The following SHROOM4 variants were observed in gnomAD, a reference collection of about 807,000 sequenced individuals.
The protein encoded by SHROOM4 is shroom family member 4.
In SHROOM4, 17 loss-of-function variants were observed where a neutral mutation model predicts 80.3. The observed-to-expected ratio is 0.21, with a 90% CI of 0.14 to 0.32. The LOEUF (loss-of-function observed/expected upper bound fraction) is 0.32. Among genes scored for constraint, SHROOM4 ranks in the 10% least tolerant of loss-of-function variants. SHROOM4 has a pLI of 1.00. For missense variants in SHROOM4, 993 were observed against 1,140.3 expected, an observed-to-expected ratio of 0.87 and a Z score of 1.86; for synonymous variants, 400 against 437.5, an observed-to-expected ratio of 0.91 and a Z score of 1.07.
At chrX:50,585,739 C>T (rs1258375900), downstream of SHROOM4, among the ~76,000 whole-genome samples, 3 of 111,614 alleles carry the variant, frequency 2.7e-5, no homozygotes, top group African/African-American at 9.8e-5. Flanking sequence ...GGCAGAACTG[C>T]GTCCAGGTCT....
At chrX:50,787,417 C>T (rs1935765885) in intron 1 of SHROOM4, among the ~76,000 whole-genome samples, 1 of 110,621 alleles carries the variant, frequency 9.0e-6, no homozygotes, top group Non-Finnish European at 1.9e-5. Context: ...ACTTAAAGGC[C>T]ATGATCAAGT....
At chrX:50,785,276 C>G (rs1196334320) in intron 1 of SHROOM4, among the ~76,000 whole-genome samples, 1 of 111,316 alleles carries the variant, frequency 9.0e-6, no homozygotes, top group Non-Finnish European at 1.9e-5. Context: ...CCATGATGAG[C>G]CATTCTATTC....
intron 1 of SHROOM4, among the ~76,000 whole-genome samples, chrX:50,771,982 T>C (rs1935403650): frequency 9.9e-6 from 1 of 101,065 alleles, no homozygotes; most frequent in African/African-American, 3.5e-5. Flanking sequence ...CTAGAAAACA[T>C]TACATATAAT....
chrX:50,743,716 C>A (rs1232450267), intron 1 of SHROOM4, among the ~76,000 whole-genome samples: 2 of 111,714 alleles, frequency 1.8e-5, no homozygotes, highest in African/African-American at 6.5e-5. Flanking sequence ...CTTGGCCTCC[C>A]AAAGTGCTGG....
intron 5 of SHROOM4, among the ~76,000 whole-genome samples, chrX:50,618,421 TTTCTTA>T (rs1930415476): frequency 1.2e-5 from 1 of 82,440 alleles, no homozygotes; most frequent in African/African-American, 4.2e-5. Context: ...CCTTCCTTCC[TTTCTTA>T]TTTTTGAGAC....
chrX:50,687,683 TG>T (rs1228107676), intron 2 of SHROOM4, among the ~76,000 whole-genome samples: 2 of 111,391 alleles, frequency 1.8e-5, no homozygotes, highest in Non-Finnish European at 3.8e-5. Context: ...ATAATCTTAA[TG>T]CTGGTCCAGG....
rs1344205815 is a variant in SHROOM4 at position 50,589,339 on chromosome X, AT to A, written c.*7355del. Reference sequence around the variant, plus strand: ...CATTTAGCACACCCATTTAAAATGTATACTTCAATGGTTTCCAGTACATTCA... The same window carrying A: ...CATTTAGCACACCCATTTAAAATGTAACTTCAATGGTTTCCAGTACATTCA... On this transcript the variant is annotated 3_prime_UTR_variant, in exon 9 of 9. Transcript: ENST00000376020. 8.1e-5 allele frequency among the ~76,000 whole-genome samples: 9 copies of A among 111,790 alleles called. No individual in the cohort carries two copies. The highest frequency in any genetic ancestry group is 2.3e-4 in the African/African-American group (7 of 30,762).
intron 2 of SHROOM4, among the ~76,000 whole-genome samples, chrX:50,678,559 C>T (rs1192378503): frequency 2.7e-5 from 3 of 111,305 alleles, no homozygotes; most frequent in Admixed American, 9.6e-5. Flanking sequence ...TGTCCAGAGA[C>T]CACAAATTGC....
chrX:50,752,256 C>T (rs1934938841), intron 1 of SHROOM4, among the ~76,000 whole-genome samples: 1 of 112,091 alleles, frequency 8.9e-6, no homozygotes, highest in African/African-American at 3.2e-5. Flanking sequence ...CCTATTCTGA[C>T]AGAGAAGACA....
chrX:50,774,253 C>A (rs781783214), intron 1 of SHROOM4, among the ~76,000 whole-genome samples: 10 of 111,446 alleles, frequency 9.0e-5, no homozygotes, highest in Non-Finnish European at 1.7e-4. Flanking sequence ...AGAGTTCACA[C>A]TGAAGAAGAC....
chrX:50,639,153 C>T (rs782383928), intron 2 of SHROOM4, among the ~76,000 whole-genome samples: 1 of 112,664 alleles, frequency 8.9e-6, no homozygotes, highest in Non-Finnish European at 1.9e-5. Flanking sequence ...CAGGACCCAT[C>T]GCTGTCCCCT....
intron 5 of SHROOM4, among the ~76,000 whole-genome samples, chrX:50,625,861 A>G (rs1437798459): frequency 1.8e-5 from 2 of 112,022 alleles, no homozygotes; most frequent in Non-Finnish European, 3.8e-5. Context: ...AGGCTGGTCA[A>G]GGCCTGCCTA....
intron 4 of SHROOM4, among the ~76,000 whole-genome samples, chrX:50,632,448 A>T (rs1931112013): frequency 8.9e-6 from 1 of 111,912 alleles, no homozygotes; most frequent in African/African-American, 3.3e-5. Flanking sequence ...GTAGGCAAGG[A>T]CCTAGGGAGT....
In SHROOM4 at chrX:50,641,052, G is replaced by A. The variant is rs1170893398; in HGVS notation, c.270-2744C>T. On this transcript the variant is annotated intron_variant, in intron 2 of 8. Coordinates refer to ENST00000376020, the MANE Select transcript of SHROOM4 (RefSeq NM_020717.5). ...TGACTATGACTGTTCCCTCTGCCTG[G>A]AATGCCCCCTCTCCTTTTGTTAACC... 6.2e-5 allele frequency among the ~76,000 whole-genome samples: 7 copies of A among 112,439 alleles called. No homozygotes were observed. The East Asian group carries it at 2.0e-3, about 32-fold the overall frequency.
chrX:50,750,262 C>T (rs782797542), intron 1 of SHROOM4, among the ~76,000 whole-genome samples: 1 of 111,702 alleles, frequency 9.0e-6, no homozygotes, highest in East Asian at 2.8e-4. Flanking sequence ...GGAATCCTTA[C>T]TCCTATTATT....
intron 5 of SHROOM4, among the ~76,000 whole-genome samples, chrX:50,618,408 C>T (rs1172576867): frequency 1.2e-5 from 1 of 84,178 alleles, no homozygotes; most frequent in Non-Finnish European, 2.3e-5. Flanking sequence ...TCCTTCCTTC[C>T]TTCCTTCCTT....
At chrX:50,674,637 A>G (rs1932833384) in intron 2 of SHROOM4, among the ~76,000 whole-genome samples, 3 of 111,811 alleles carry the variant, frequency 2.7e-5, no homozygotes, top group South Asian at 7.3e-4. Context: ...AATATTTTAG[A>G]AAAAAATAGG....
Position 50,596,569 on chromosome X carries a change from A to C in SHROOM4, c.*126T>G. On this transcript the variant is annotated 3_prime_UTR_variant, in exon 9 of 9. Transcript: ENST00000376020. ...TGCTAGGGAAGGGGTAGTGAGAGACATCCAGGGTAGAGGGCTGGAACAAAC... is the reference window on the plus strand; with the variant it reads ...TGCTAGGGAAGGGGTAGTGAGAGACCTCCAGGGTAGAGGGCTGGAACAAAC... 1.1e-6 allele frequency: 1 copy of C among 942,909 alleles called. No individual in the cohort carries two copies. Among genetic ancestry groups the C allele is most frequent in the Non-Finnish European group, 1.5e-6 (1 of 674,073 alleles). The allele number at this position is 942,909 out of a possible 1,213,427, so 77.7% of individuals were successfully genotyped here. A position where few individuals can be genotyped will look rare whatever the true frequency, so the allele number is the denominator to read the frequency against.
chrX:50,580,983 TG>T, the SHROOM4 span, among the ~76,000 whole-genome samples: 1 of 112,014 alleles, frequency 8.9e-6, no homozygotes, highest in Admixed American at 9.5e-5. Context: ...TGAGTGAGGA[TG>T]GGTAGGATCA....
Sources: gnomAD v4.1 joint callset for allele counts (sites outside exome capture counted in the v4.1 genomes callset) on GRCh38, gnomAD v4.1.1 for gene constraint, MANE v1.5 for transcripts, NCBI Gene and HGNC (gene_info 2026-07-23, HGNC 2026-07-21) for gene names.